The following CHRNA7 variants were observed in gnomAD, a reference collection of about 807,000 sequenced individuals.
CHRNA7 encodes cholinergic receptor nicotinic alpha 7 subunit, also known as neuronal acetylcholine receptor subunit alpha-7.
A neutral mutation model predicts 48.0 loss-of-function variants in CHRNA7; 17 were observed. The ratio of observed to expected loss-of-function variants is 0.35; its 90% CI spans 0.24 to 0.53. The LOEUF is 0.53. Ranked by LOEUF, CHRNA7 falls within the 20% of genes least tolerant of loss-of-function variation. The pLI is 0.92. For missense variants in CHRNA7, 155 were observed against 577.7 expected, an observed-to-expected ratio of 0.27 and a Z score of 7.50; for synonymous variants, 75 against 242.3, an observed-to-expected ratio of 0.31 and a Z score of 6.41.
At chr15:32,045,490 T>C (rs756823583) in intron 2 of CHRNA7, among the ~76,000 whole-genome samples, 19 of 152,088 alleles carry the variant, frequency 1.2e-4, no homozygotes, top group Non-Finnish European at 2.6e-4. Context: ...GCATATACAT[T>C]CTAGGGCATA....
chr15:32,144,105 G>C (rs2051437668), intron 4 of CHRNA7, among the ~76,000 whole-genome samples: 1 of 152,164 alleles, frequency 6.6e-6, no homozygotes, highest in Non-Finnish European at 1.5e-5. Flanking sequence ...CTCTTGTAAG[G>C]CAGGCCTGGT....
At chr15:32,148,560 G>A (rs1259341871) in intron 4 of CHRNA7, among the ~76,000 whole-genome samples, 1 of 152,192 alleles carries the variant, frequency 6.6e-6, no homozygotes, top group African/African-American at 2.4e-5. Flanking sequence ...GGATCCTAGG[G>A]GATGTGGAGG....
chr15:32,065,293 G>A (rs1054392756), intron 2 of CHRNA7, among the ~76,000 whole-genome samples: 4 of 152,162 alleles, frequency 2.6e-5, no homozygotes, highest in African/African-American at 9.7e-5. Context: ...CCAAAGTGGA[G>A]AGAACAGAGT....
intron 4 of CHRNA7, among the ~76,000 whole-genome samples, chr15:32,120,160 G>C (rs903595217): frequency 6.6e-6 from 1 of 152,200 alleles, no homozygotes; most frequent in Non-Finnish European, 1.5e-5. Context: ...TGCTCAGAGA[G>C]GTTCAGCCAC....
rs559799293 is a variant in CHRNA7 at position 32,080,338 on chromosome 15, T to A, written c.196-20965T>A. ...AGAGCTTCTGCACAGCAAAAGAAAC[T>A]GTCATCACAGTGAACAGACAGCCTA... On this transcript the variant is annotated intron_variant, in intron 2 of 9. Coordinates refer to ENST00000306901, the MANE Select transcript of CHRNA7 (RefSeq NM_000746.6). Among the ~76,000 whole-genome samples, 3 of 152,244 alleles carry A rather than the reference T, an allele frequency of 2.0e-5. No homozygotes were observed. The East Asian group carries it at 5.8e-4, about 29-fold the overall frequency.
At chr15:32,086,377 A>G (rs1172894825) in intron 2 of CHRNA7, among the ~76,000 whole-genome samples, 1 of 151,780 alleles carries the variant, frequency 6.6e-6, no homozygotes, top group Non-Finnish European at 1.5e-5. Context: ...CAAAAAAAAA[A>G]AAAAAAAAAA....
intron 2 of CHRNA7, among the ~76,000 whole-genome samples, chr15:32,065,824 C>G (rs1452250853): frequency 6.6e-6 from 1 of 151,250 alleles, no homozygotes; most frequent in Non-Finnish European, 1.5e-5. Context: ...TCACAGCACA[C>G]AGACATAGCC....
At chr15:32,085,598 C>T (rs1053038185) in intron 2 of CHRNA7, among the ~76,000 whole-genome samples, 8 of 152,114 alleles carry the variant, frequency 5.3e-5, no homozygotes, top group Admixed American at 2.6e-4. Flanking sequence ...TAAAAATAAC[C>T]TGAAAAGAGT....
rs2052424614 is a variant in CHRNA7, at chr15:32,172,157, GTTTA to G, written c.*3703_*3706del. The G allele has an allele frequency of 1.9e-5, 2 of 107,346 alleles. 1 individual carries two copies. Among genetic ancestry groups the G allele is most frequent in the African/African-American group, 5.9e-5 (2 of 33,986 alleles). The allele number at this position is 107,346 out of a possible 1,614,324, so 6.6% of individuals were successfully genotyped here. A position where few individuals can be genotyped will look rare whatever the true frequency, so the allele number is the denominator to read the frequency against. On this transcript the variant is annotated 3_prime_UTR_variant, in exon 10 of 10. Transcript: ENST00000306901. The stretch of plus-strand genomic sequence containing the variant: ...TTCACTAAGGTGCTTTGAATTTATA[GTTTA>G]TTTCTAGATGTTTTATCATTTGGCT...
intron 2 of CHRNA7, among the ~76,000 whole-genome samples, chr15:32,050,120 T>C (rs2049639127): frequency 1.3e-5 from 2 of 152,206 alleles, no homozygotes; most frequent in African/African-American, 4.8e-5. Context: ...GACAATTATG[T>C]GTCTTGGAGT....
intron 2 of CHRNA7, among the ~76,000 whole-genome samples, chr15:32,078,609 G>C (rs2050169451): frequency 7.6e-6 from 1 of 132,190 alleles, no homozygotes; most frequent in African/African-American, 2.9e-5. Flanking sequence ...TCAAATCCCT[G>C]AATAGACCAA....
At chr15:32,141,661 G>T (rs2051381211) in intron 4 of CHRNA7, among the ~76,000 whole-genome samples, 1 of 152,118 alleles carries the variant, frequency 6.6e-6, no homozygotes, top group South Asian at 2.1e-4. Context: ...TGGATTCCTA[G>T]GTATTTTATT....
At chr15:32,123,506 C>T (rs531993433) in intron 4 of CHRNA7, among the ~76,000 whole-genome samples, 5 of 152,122 alleles carry the variant, frequency 3.3e-5, no homozygotes, top group Non-Finnish European at 7.3e-5. Flanking sequence ...TTATTTTAAA[C>T]TGAAGACATT....
chr15:32,039,327 TCC>T (rs2049407028), intron 2 of CHRNA7, among the ~76,000 whole-genome samples: 1 of 152,162 alleles, frequency 6.6e-6, no homozygotes, highest in South Asian at 2.1e-4. Context: ...TTTTCTAGTT[TCC>T]TAAAGTAGAA....
At chr15:32,030,706 GGCGCCTCTGT>G (rs1181350829) in intron 1 of CHRNA7, 57 bp downstream of exon 1, 1 of 1,543,656 alleles carries the variant, frequency 6.5e-7, no homozygotes, top group South Asian at 1.2e-5. Context: ...GCACATCCCG[GGCGCCTCTGT>G]GCGCCCCGCG....
chr15:32,130,088 T>C (rs1849276928), intron 4 of CHRNA7, among the ~76,000 whole-genome samples: 1 of 152,084 alleles, frequency 6.6e-6, no homozygotes, highest in Non-Finnish European at 1.5e-5. Context: ...TCACTTCTTT[T>C]AAATGTATTG....
intron 2 of CHRNA7, among the ~76,000 whole-genome samples, chr15:32,072,845 C>T (rs1471547866): frequency 2.0e-5 from 3 of 152,196 alleles, no homozygotes; most frequent in African/African-American, 7.2e-5. Context: ...CAGCTTTTAC[C>T]TAGCTTTCAG....
chr15:32,043,436 C>T (rs1019474339), intron 2 of CHRNA7, among the ~76,000 whole-genome samples: 4 of 151,826 alleles, frequency 2.6e-5, no homozygotes, highest in African/African-American at 9.7e-5. Context: ...TTCTTTTTTT[C>T]CTCTTTTTTC....
intron 3 of CHRNA7, among the ~76,000 whole-genome samples, chr15:32,105,041 T>C (rs189890656): frequency 6.6e-6 from 1 of 152,346 alleles, no homozygotes; most frequent in Admixed American, 6.5e-5. Context: ...TTACTTCCAG[T>C]ATGGAATTCA....
Sources: allele counts gnomAD v4.1 joint callset (sites outside exome capture counted in the v4.1 genomes callset), GRCh38; gene constraint gnomAD v4.1.1; transcripts MANE v1.5; gene names NCBI Gene and HGNC (gene_info 2026-07-23, HGNC 2026-07-21).